The following MAPK12 variants were observed in gnomAD, a reference collection of about 807,000 sequenced individuals.
MAPK12 encodes mitogen-activated protein kinase 12.
A neutral mutation model predicts 49.1 loss-of-function variants in MAPK12; 49 were observed. The observed-to-expected ratio is 1.00, with a 90% CI of 0.79 to 1.27. The LOEUF is 1.27. MAPK12 is among the 50% of genes most tolerant of loss of function. The probability of loss-of-function intolerance (pLI) is 0.00; values close to 1 mark genes in which losing one functional copy is unlikely to be tolerated. For missense variants in MAPK12, 554 were observed against 502.4 expected (o/e 1.10, Z -0.98); for synonymous variants, 251 against 209.7 (o/e 1.20, Z -1.70).
Position 50,253,366 on chromosome 22 carries a change from G to A in MAPK12, c.*35C>T, listed in dbSNP as rs961477905. The stretch of plus-strand genomic sequence containing the variant: ...GTCCCCTCTCAGGTGGAAGGTGAAG[G>A]TGGTCCTCACTGCCACCCCGGAGCC... On this transcript the variant is annotated 3_prime_UTR_variant, in exon 12 of 12. Coordinates refer to ENST00000215659, the MANE Select transcript of MAPK12 (RefSeq NM_002969.6). 3.6e-5 allele frequency: 53 copies of A among 1,458,596 alleles called. No homozygotes were observed. The highest frequency in any genetic ancestry group is 4.9e-5 in the Non-Finnish European group (52 of 1,063,478). 90.4% of individuals were successfully genotyped at this position (1,458,596 alleles called of 1,614,324 possible). A position where few individuals can be genotyped will look rare whatever the true frequency, so the allele number is the denominator to read the frequency against.
chr22:50,256,281 G>T, intron 6 of MAPK12, 82 bp from the exon 7 acceptor site: 1 of 1,090,310 alleles, frequency 9.2e-7, no homozygotes, highest in Non-Finnish European at 1.3e-6. Flanking sequence ...GACCCCGGGG[G>T]GTTGGACTTG....
rs1569142085 is a variant in MAPK12, at chr22:50,256,065, ATC to A, written c.619+18_619+19del. 6.2e-7 allele frequency: 1 copy of A among 1,603,246 alleles called. No individual in the cohort carries two copies. Among genetic ancestry groups the A allele is most frequent in the Non-Finnish European group, 8.5e-7 (1 of 1,172,928 alleles). ...AGATGGTGCAGCCTGAGAGGCCCAG[ATC>A]TCTGGGCAGCTTCTCACCCGTCTGC... On this transcript the variant is annotated intron_variant, in intron 7 of 11. Coordinates refer to ENST00000215659, the MANE Select transcript of MAPK12 (RefSeq NM_002969.6).
Position 50,261,212 on chromosome 22 carries a change from G to C in MAPK12, c.210C>G (p.Arg70=). ...TGAGCAGGCGCAGCTCGCGGTAGGC[G>C]CGCTTGGCGAACAGCTCGGACTGGA... ...RPFQSELFAK[R]AYRELRLLKH... The change falls in exon 2 of 12, where the codon CGC becomes CGG. Residue 70 remains arginine (R), a synonymous_variant. Transcript: ENST00000215659. 1 of 1,590,914 alleles carries C rather than the reference G, an allele frequency of 6.3e-7. No individual in the cohort carries two copies. The highest frequency in any genetic ancestry group is 8.5e-7 in the Non-Finnish European group (1 of 1,170,004).
At chr22:50,258,416 C>T in intron 2 of MAPK12, 115 bp from the exon 3 acceptor site, 1 of 893,734 alleles carries the variant, frequency 1.1e-6, no homozygotes, top group Non-Finnish European at 1.8e-6. Context: ...ATTGTCATGC[C>T]CCACTGTCCA....
At chr22:50,257,907 C>T (rs2065167188) in intron 3 of MAPK12, 1 of 773,548 alleles carries the variant, frequency 1.3e-6, no homozygotes, top group Non-Finnish European at 2.4e-6. Context: ...CAGTTACCGG[C>T]CACACACTTG....
At chr22:50,255,578 G>GGGCCCCCCCCCCCCCCCCCCC in intron 9 of MAPK12, 37 bp downstream of exon 9, 1 of 1,582,002 alleles carries the variant, frequency 6.3e-7, no homozygotes, top group Non-Finnish European at 8.7e-7. Context: ...GCCCAGGTCC[G>GGGCCCCCCCCCCCCCCCCCCC]CCCCCACCCC....
chr22:50,255,278 G>A lies in MAPK12; in HGVS notation c.943C>T (p.His315Tyr), dbSNP rs770945104. 4.8e-5 allele frequency: 78 copies of A among 1,613,688 alleles called. No individual in the cohort carries two copies. Among genetic ancestry groups the A allele is most frequent in the Non-Finnish European group, 5.5e-5 (65 of 1,180,024 alleles). Residue 315 changes from histidine (H) to tyrosine (Y), a missense_variant, in exon 11 of 12, where the codon CAC becomes TAC. Physicochemically the swap from His to Tyr is moderately conservative, Grantham distance 83 (BLOSUM62 2). Coordinates refer to ENST00000215659, the MANE Select transcript of MAPK12 (RefSeq NM_002969.6). ...ACCTGGGGCTCATCTTCCGTGTCGT[G>A]CAGGGACTCGAAGTAGGGATGGGCC... is the stretch of plus-strand genomic sequence containing the variant. ...ALAHPYFESLHDTEDEPQVQK... is the reference protein window; with the variant it reads ...ALAHPYFESLYDTEDEPQVQK...
At chr22:50,257,425 A>C (rs1601643153) in intron 3 of MAPK12, 3 of 567,344 alleles carry the variant, frequency 5.3e-6, no homozygotes, top group Non-Finnish European at 6.4e-6. Flanking sequence ...CCCCCCTCCC[A>C]CCCTGAGGAC....
At position 50,253,323 on chromosome 22, in the gene MAPK12, G is replaced by A. The variant is rs954001100; in HGVS notation, c.*78C>T. The stretch of plus-strand genomic sequence containing the variant: ...CCTTGGGATGCAAGCCCCAGCCAAG[G>A]TCAAGGTGGCAACGAGAGTCCCCTC... On this transcript the variant is annotated 3_prime_UTR_variant, in exon 12 of 12. Transcript: ENST00000215659. 7 of 1,085,656 alleles carry A rather than the reference G, an allele frequency of 6.4e-6. No homozygotes were observed. Among genetic ancestry groups the A allele is most frequent in the Non-Finnish European group, 9.7e-6 (7 of 722,776 alleles). 67.3% of individuals were successfully genotyped at this position (1,085,656 alleles called of 1,614,324 possible). A position where few individuals can be genotyped will look rare whatever the true frequency, so the allele number is the denominator to read the frequency against.
chr22:50,253,816 TCAAA>T (rs889737404), intron 11 of MAPK12: 1 of 374,428 alleles, frequency 2.7e-6, no homozygotes, highest in Admixed American at 4.3e-5. Flanking sequence ...AAACCTTTAA[TCAAA>T]CAAAGCCAAA....
At position 50,261,399 on chromosome 22, in the gene MAPK12, G is replaced by T; in HGVS notation, c.111C>A (p.Ala37=). 30 of 1,208,190 alleles carry T rather than the reference G, an allele frequency of 2.5e-5. No individual in the cohort carries two copies. The highest frequency in any genetic ancestry group is 3.1e-5 in the Non-Finnish European group (30 of 952,882). 74.8% of individuals were successfully genotyped at this position (1,208,190 alleles called of 1,614,324 possible). ...CCCGCGCTCACCACACCGCGCCGTA[G>T]GCGCCCGAGCCCACGGGCTGCAGGT... The part of the protein sequence containing the change: ...YRDLQPVGSG[A]YGAVCSAVDG... The change falls in exon 1 of 12, where the codon GCC becomes GCA. Residue 37 remains alanine, a synonymous_variant. Coordinates refer to ENST00000215659, the MANE Select transcript of MAPK12 (RefSeq NM_002969.6).
At chr22:50,253,502 G>GGGGGGGCCCCCCC in intron 11 of MAPK12, 22 bp from the exon 12 acceptor site, 1 of 171,680 alleles carries the variant, frequency 5.8e-6, no homozygotes, top group Non-Finnish European at 1.1e-5. Context: ...GGGGGGGCGG[G>GGGGGGGCCCCCCC]CACAACAGAG....
Position 50,253,481 on chromosome 22 carries a change from C to T in MAPK12, c.1025-1G>A, listed in dbSNP as rs1250820616. On this transcript the variant is annotated splice_acceptor_variant, in intron 11 of 11. Coordinates refer to ENST00000215659, the MANE Select transcript of MAPK12 (RefSeq NM_002969.6). LOFTEE classifies it high-confidence loss of function. ...CTGAGCACCTCTTTGTAAGTAACAC[C>T]TGGCGGGGGTGGGGGGGCGGGCACA... 1 of 178,158 alleles carries T rather than the reference C, an allele frequency of 5.6e-6. No homozygotes were observed. Among genetic ancestry groups the T allele is most frequent in the Non-Finnish European group, 8.4e-6 (1 of 119,284 alleles). 11.0% of individuals were successfully genotyped at this position (178,158 alleles called of 1,614,324 possible).
intron 10 of MAPK12, 32 bp from the exon 11 acceptor site, chr22:50,255,402 G>A (rs532855780): frequency 5.6e-6 from 9 of 1,612,762 alleles, no homozygotes; most frequent in South Asian, 2.2e-5. Context: ...GCCAGACCAC[G>A]GGAGGCCCCA....
rs534459113 is a variant in MAPK12 at position 50,257,742 on chromosome 22, G to T, written c.314+501C>A. On this transcript the variant is annotated intron_variant, in intron 3 of 11. Transcript: ENST00000215659. ...CTGACTTGACCTCTGCAAGTCAGGC[G>T]GGAGGCGCCTGCTACCCTCTCCAGG... 8.6e-5 allele frequency: 56 copies of T among 654,346 alleles called. No individual in the cohort carries two copies. In the East Asian group the frequency reaches 1.4e-3, roughly 17 times the overall value. The allele number at this position is 654,346 out of a possible 1,614,324, so 40.5% of individuals were successfully genotyped here. A position where few individuals can be genotyped will look rare whatever the true frequency, so the allele number is the denominator to read the frequency against.
Position 50,256,076 on chromosome 22 carries a change from G to A in MAPK12, c.619+9C>T, listed in dbSNP as rs2065147229. On this transcript the variant is annotated intron_variant, in intron 7 of 11. Coordinates refer to ENST00000215659, the MANE Select transcript of MAPK12 (RefSeq NM_002969.6). ...CCTGAGAGGCCCAGATCTCTGGGCA[G>A]CTTCTCACCCGTCTGCGTGTAGCGC... 1 of 1,609,012 alleles carries A rather than the reference G, an allele frequency of 6.2e-7. No homozygotes were observed. The highest frequency in any genetic ancestry group is 8.5e-7 in the Non-Finnish European group (1 of 1,177,396).
chr22:50,256,156 G>A lies in MAPK12; in HGVS notation c.548C>T (p.Thr183Ile). ...GTACCACCGGGTCACCACGTACCCA[G>A]TCATCTCACTGTCTGCCTGCCTGGC... ...GLARQADSEM[T>I]GYVVTRWYRA... Residue 183 changes from threonine (T) to isoleucine (I), a missense_variant, in exon 7 of 12, where the codon ACT becomes ATT. Thr to Ile is a moderately conservative substitution (Grantham distance 89, BLOSUM62 -1). Coordinates refer to ENST00000215659, the MANE Select transcript of MAPK12 (RefSeq NM_002969.6). 2 of 1,612,794 alleles carry A rather than the reference G, an allele frequency of 1.2e-6. No homozygotes were observed. The highest frequency in any genetic ancestry group is 2.2e-5 in the South Asian group (2 of 91,082).
At chr22:50,257,298 C>T in intron 3 of MAPK12, 105 bp from the exon 4 acceptor site, 1 of 838,908 alleles carries the variant, frequency 1.2e-6, no homozygotes, top group Non-Finnish European at 2.0e-6. Context: ...CCAACAGGCA[C>T]CCCCAGGAAG....
At position 50,261,634 on chromosome 22, in the gene MAPK12, G is replaced by C; in HGVS notation, c.-125C>G. 1.0e-6 allele frequency: 1 copy of C among 964,162 alleles called. No homozygotes were observed. Among genetic ancestry groups the C allele is most frequent in the South Asian group, 4.9e-5 (1 of 20,528 alleles). 59.7% of individuals were successfully genotyped at this position (964,162 alleles called of 1,614,324 possible). Reference sequence around the variant, plus strand: ...CGCTCGTCCGCTCGCCCGCCCGCCCGCCGGCCGCTGGGGCGCTCCCGCTCC... The same window carrying C: ...CGCTCGTCCGCTCGCCCGCCCGCCCCCCGGCCGCTGGGGCGCTCCCGCTCC... On this transcript the variant is annotated 5_prime_UTR_variant, in exon 1 of 12. Transcript: ENST00000215659.
Sources: gnomAD v4.1 joint callset for allele counts on GRCh38, gnomAD v4.1.1 for gene constraint, MANE v1.5 for transcripts, NCBI Gene and HGNC (gene_info 2026-07-23, HGNC 2026-07-21) for gene names.